The following USP34 variants were observed in gnomAD, a reference collection of about 807,000 sequenced individuals.
USP34 encodes the protein ubiquitin specific peptidase 34.
Under a neutral mutation model 460.3 loss-of-function variants are expected in USP34, and 70 were observed. That is an observed-to-expected ratio of 0.15 (90% CI 0.13 to 0.19). The LOEUF (loss-of-function observed/expected upper bound fraction) is 0.19, where lower values mean the gene tolerates loss of function less well. Among genes scored for constraint, USP34 ranks in the 10% least tolerant of loss-of-function variants. The pLI, the probability that USP34 is intolerant of heterozygous loss-of-function variation, is 1.00. For synonymous variants in USP34, 1,647 were observed against 1,405.3 expected (o/e 1.17, Z -3.85); for missense variants, 3,985 against 4,236.2 (o/e 0.94, Z 1.65).
In USP34 at chr2:61,189,054, C is replaced by T. The variant is rs1686539106; in HGVS notation, c.9889G>A (p.Ala3297Thr). 2 of 1,613,418 alleles carry T rather than the reference C, an allele frequency of 1.2e-6. No individual in the cohort carries two copies. The highest frequency in any genetic ancestry group is 1.3e-5 in the African/African-American group (1 of 74,862). The change falls in exon 79 of 80, where the codon GCT becomes ACT. Residue 3297 changes from alanine (A) to threonine (T), a missense_variant. This residue lies in a region of USP34 where 506 missense variants were observed against 439.0 expected (regional missense o/e 1.15). Coordinates refer to ENST00000398571, the MANE Select transcript of USP34 (RefSeq NM_014709.4). ...ASLNGDLRAL[A>T]LLLSVHTPKQ... ...GGAGTGTGTACTGACAGGAGCAAAG[C>T]GAGTGCCCTCAGGTCCTACAAAAAC...
At chr2:61,409,621 G>A (rs1018554470) in intron 2 of USP34, among the ~76,000 whole-genome samples, 1 of 152,106 alleles carries the variant, frequency 6.6e-6, no homozygotes, top group Non-Finnish European at 1.5e-5. Flanking sequence ...GGCAGAGACA[G>A]GAGAATTGTT....
chr2:61,294,856 G>C lies in USP34; in HGVS notation c.4461+93C>G. 3 of 1,030,838 alleles carry C rather than the reference G, an allele frequency of 2.9e-6. No homozygotes were observed. In the African/African-American group the frequency reaches 4.9e-5, roughly 17 times the overall value. The allele number at this position is 1,030,838 out of a possible 1,614,324, so 63.9% of individuals were successfully genotyped here. A position where few individuals can be genotyped will look rare whatever the true frequency, so the allele number is the denominator to read the frequency against. On this transcript the variant is annotated intron_variant, in intron 32 of 79. Coordinates refer to ENST00000398571, the MANE Select transcript of USP34 (RefSeq NM_014709.4). ...TATGCTTTATTTTAATAGTATATTA[G>C]TTTAAAATCAATGAAGAATTATGGT...
intron 75 of USP34, among the ~76,000 whole-genome samples, chr2:61,195,741 C>CT (rs1361577638): frequency 6.6e-6 from 1 of 152,052 alleles, no homozygotes; most frequent in Non-Finnish European, 1.5e-5. Flanking sequence ...CCTGTGGAGT[C>CT]TAAAATATAT....
chr2:61,231,357 A>C (rs1687891004), intron 58 of USP34, among the ~76,000 whole-genome samples: 1 of 152,060 alleles, frequency 6.6e-6, no homozygotes, highest in Admixed American at 6.6e-5. Context: ...CAACTTTGTG[A>C]CTATACTAAA....
At chr2:61,371,339 GTATT>G (rs1280725811) in intron 8 of USP34, among the ~76,000 whole-genome samples, 3 of 150,718 alleles carry the variant, frequency 2.0e-5, no homozygotes, top group African/African-American at 7.3e-5. Context: ...GCTGGTTTAT[GTATT>G]TATTATACTT....
chr2:61,432,397 GC>G (rs1387907761), intron 1 of USP34, among the ~76,000 whole-genome samples: 2 of 152,060 alleles, frequency 1.3e-5, no homozygotes, highest in African/African-American at 4.8e-5. Flanking sequence ...GACAGCTTGA[GC>G]CCCAGGAGGT....
chr2:61,356,367 A>G (rs1335900841), intron 10 of USP34, among the ~76,000 whole-genome samples: 1 of 152,144 alleles, frequency 6.6e-6, no homozygotes, highest in African/African-American at 2.4e-5. Context: ...GCATGTGCCC[A>G]TAGTCCCAGC....
chr2:61,206,789 T>G lies in USP34; in HGVS notation c.9017A>C (p.Lys3006Thr). ...TCTCTGAAGATAAGGGCGTGTAGAC[T>G]TCAAAACCGAAAGAAATATTGACAG... ...ELLSIFLSVL[K>T]STRPYLQRKD... The change falls in exon 71 of 80, where the codon AAG becomes ACG. Residue 3006 changes from lysine to threonine, a missense_variant. Physicochemically the swap from Lys to Thr is moderately conservative, Grantham distance 78. Coordinates refer to ENST00000398571, the MANE Select transcript of USP34 (RefSeq NM_014709.4). 6.2e-7 allele frequency: 1 copy of G among 1,613,688 alleles called. No homozygotes were observed. Among genetic ancestry groups the G allele is most frequent in the Non-Finnish European group, 8.5e-7 (1 of 1,179,766 alleles).
intron 41 of USP34, among the ~76,000 whole-genome samples, chr2:61,277,536 C>T (rs1689407097): frequency 6.6e-6 from 1 of 152,176 alleles, no homozygotes; most frequent in East Asian, 1.9e-4. Context: ...CGTGCCCAGC[C>T]TTAGGTTACC....
intron 10 of USP34, among the ~76,000 whole-genome samples, chr2:61,351,586 T>A (rs1691943652): frequency 6.6e-6 from 1 of 152,172 alleles, no homozygotes; most frequent in Admixed American, 6.5e-5. Context: ...CTACTTTTAA[T>A]ACATAAAAAA....
chr2:61,249,275 G>C (rs773054005), intron 48 of USP34, among the ~76,000 whole-genome samples: 2 of 152,122 alleles, frequency 1.3e-5, no homozygotes, highest in Admixed American at 1.3e-4. Context: ...TAAAATAAAG[G>C]TTCCTTGAAT....
chr2:61,314,931 T>C lies in USP34; in HGVS notation c.3326A>G (p.Gln1109Arg), dbSNP rs1293710024. 1 of 1,613,816 alleles carries C rather than the reference T, an allele frequency of 6.2e-7. No individual in the cohort carries two copies. The highest frequency in any genetic ancestry group is 8.5e-7 in the Non-Finnish European group (1 of 1,179,912). ...DQFWGIALRA[Q>R]SGDVSRAAIQ... ...AGCTGCTCGACTGACATCACCAGAT[T>C]GTGCTCTTAAAGCAATGCCCCAAAA... The change falls in exon 24 of 80, where the codon CAA becomes CGA. Residue 1109 changes from glutamine (Q) to arginine (R), a missense_variant. By Grantham distance (43) the Gln-to-Arg change is conservative. Coordinates refer to ENST00000398571, the MANE Select transcript of USP34 (RefSeq NM_014709.4).
intron 10 of USP34, among the ~76,000 whole-genome samples, chr2:61,369,801 C>A (rs1692558238): frequency 6.7e-6 from 1 of 149,508 alleles, no homozygotes. Flanking sequence ...GGTTGGTATG[C>A]TACATTTGTG....
intron 56 of USP34, 37 bp downstream of exon 56, chr2:61,235,989 A>G: frequency 6.3e-7 from 1 of 1,599,646 alleles, no homozygotes; most frequent in South Asian, 1.1e-5. Context: ...TGATAAAAAC[A>G]TAAATGACAA....
intron 5 of USP34, among the ~76,000 whole-genome samples, chr2:61,388,456 TAAAA>T (rs34286687): frequency 1.3e-4 from 17 of 129,590 alleles, no homozygotes; most frequent in Non-Finnish European, 2.1e-4. Context: ...CAGGGGAGTT[TAAAA>T]AAAAAAAAAA....
chr2:61,467,194 T>C (rs1375441140), intron 1 of USP34, among the ~76,000 whole-genome samples: 5 of 151,922 alleles, frequency 3.3e-5, no homozygotes, highest in African/African-American at 1.2e-4. Context: ...TCCCAGCCAC[T>C]TGGGAGGCTG....
At chr2:61,350,510 C>T in intron 11 of USP34, 58 bp downstream of exon 11, 1 of 1,551,842 alleles carries the variant, frequency 6.4e-7, no homozygotes, top group Non-Finnish European at 8.7e-7. Flanking sequence ...ATCTGAATCA[C>T]AAGGAAATTT....
intron 2 of USP34, among the ~76,000 whole-genome samples, chr2:61,416,263 A>G (rs901445638): frequency 8.3e-4 from 127 of 152,346 alleles, no homozygotes; most frequent in African/African-American, 2.9e-3. Flanking sequence ...TTTAAAAGCA[A>G]CGGCTTCTAA....
At chr2:61,441,241 G>T (rs1454435853) in intron 1 of USP34, among the ~76,000 whole-genome samples, 2 of 150,936 alleles carry the variant, frequency 1.3e-5, no homozygotes, top group African/African-American at 4.9e-5. Flanking sequence ...AGGCTCAAGT[G>T]ATCCTCCTGC....
Sources: allele counts gnomAD v4.1 joint callset (sites outside exome capture counted in the v4.1 genomes callset), GRCh38; gene constraint gnomAD v4.1.1; regional missense constraint gnomAD v4.1.1; transcripts MANE v1.5; gene names NCBI Gene and HGNC (gene_info 2026-07-23, HGNC 2026-07-21).